SORCS2: variants seen among roughly 807,000 people sequenced by gnomAD.
The protein encoded by SORCS2 is sortilin related VPS10 domain containing receptor 2, also known as VPS10 domain-containing receptor SorCS2.
In SORCS2, 100 loss-of-function variants were observed where a neutral mutation model predicts 141.6. The ratio of observed to expected loss-of-function variants is 0.71; its 90% CI spans 0.60 to 0.83. The LOEUF is 0.83. Among genes scored for constraint, SORCS2 ranks in the 40% least tolerant of loss-of-function variants. The probability of loss-of-function intolerance (pLI) is 0.00; values close to 1 mark genes in which losing one functional copy is unlikely to be tolerated. For synonymous variants in SORCS2, 789 were observed against 676.9 expected (o/e 1.17, Z -2.57); for missense variants, 1,646 against 1,560.2 (o/e 1.05, Z -0.93).
intron 1 of SORCS2, among the ~76,000 whole-genome samples, chr4:7,272,008 G>C (rs1715171403): frequency 6.6e-6 from 1 of 152,238 alleles, no homozygotes; most frequent in South Asian, 2.1e-4. Context: ...CTGGCATATG[G>C]GAAGGGTGTG....
At chr4:7,244,964 G>T (rs1195912088) in intron 1 of SORCS2, among the ~76,000 whole-genome samples, 2 of 152,174 alleles carry the variant, frequency 1.3e-5, no homozygotes, top group Non-Finnish European at 2.9e-5. Flanking sequence ...CAGTTGGAAG[G>T]GGGGTGGCTG....
chr4:7,657,653 CTGAG>C (rs1415922151), intron 5 of SORCS2, among the ~76,000 whole-genome samples: 2 of 147,166 alleles, frequency 1.4e-5, no homozygotes, highest in East Asian at 4.1e-4. Flanking sequence ...GAATGAGTGA[CTGAG>C]TGAATGAGTA....
At chr4:7,397,245 G>T (rs913081391) in intron 2 of SORCS2, among the ~76,000 whole-genome samples, 2 of 152,104 alleles carry the variant, frequency 1.3e-5, no homozygotes, top group Admixed American at 6.5e-5. Flanking sequence ...CATTCTGTTG[G>T]TTCTTACGGA....
At chr4:7,308,284 C>A (rs760673617) in intron 1 of SORCS2, among the ~76,000 whole-genome samples, 2 of 152,164 alleles carry the variant, frequency 1.3e-5, no homozygotes, top group African/African-American at 2.4e-5. Context: ...AGCACCCCCA[C>A]CACCGCCTCC....
At chr4:7,431,647 T>A (rs1726869250) in intron 2 of SORCS2, 1 of 152,082 alleles carries the variant, frequency 6.6e-6, no homozygotes, top group South Asian at 2.1e-4. Flanking sequence ...AGAGCTGCCT[T>A]CCCATGGCCC....
chr4:7,368,103 G>C (rs1028188799), intron 1 of SORCS2, among the ~76,000 whole-genome samples: 2 of 152,182 alleles, frequency 1.3e-5, no homozygotes, highest in African/African-American at 4.8e-5. Context: ...CCCTGTTCAC[G>C]TGTGGTGGTG....
intron 1 of SORCS2, among the ~76,000 whole-genome samples, chr4:7,348,687 G>A (rs1007969082): frequency 2.6e-5 from 4 of 152,148 alleles, no homozygotes; most frequent in Non-Finnish European, 4.4e-5. Flanking sequence ...GAGTAGCTGG[G>A]TTTACAGGGG....
rs538296990 is a variant in SORCS2 at position 7,387,713 on chromosome 4, C to G, written c.481-8575C>G. ...AGAGATACACACGCACATGCACACA[C>G]ATGCACACACATACACATTTGCACA... On this transcript the variant is annotated intron_variant, in intron 1 of 26. Coordinates refer to ENST00000507866, the MANE Select transcript of SORCS2 (RefSeq NM_020777.3). Among the ~76,000 whole-genome samples the G allele has an allele frequency of 1.3e-3, 184 of 142,990 alleles. 1 individual carries two copies. The highest frequency in any genetic ancestry group is 4.6e-3 in the African/African-American group (175 of 38,034). The allele number at this position is 142,990 out of a possible 152,430, so 93.8% of individuals were successfully genotyped here. A position where few individuals can be genotyped will look rare whatever the true frequency, so the allele number is the denominator to read the frequency against.
intron 2 of SORCS2, among the ~76,000 whole-genome samples, chr4:7,483,475 GC>G (rs1730783019): frequency 6.6e-6 from 1 of 152,108 alleles, no homozygotes; most frequent in African/African-American, 2.4e-5. Context: ...CTGTCCTGGA[GC>G]CTTTGGGAGG....
intron 1 of SORCS2, among the ~76,000 whole-genome samples, chr4:7,356,188 C>T (rs1038907544): frequency 1.3e-5 from 2 of 152,238 alleles, no homozygotes; most frequent in Non-Finnish European, 2.9e-5. Context: ...CAGGACAGGT[C>T]CCCCTTCTTA....
chr4:7,539,452 A>G (rs2109575746), intron 3 of SORCS2, among the ~76,000 whole-genome samples: 1 of 152,290 alleles, frequency 6.6e-6, no homozygotes, highest in South Asian at 2.1e-4. Flanking sequence ...TTGCCAGAAC[A>G]CAGAAGTCCA....
intron 1 of SORCS2, among the ~76,000 whole-genome samples, chr4:7,236,430 A>G (rs10937795): frequency 0.65 from 98,545 of 151,632 alleles, 32,382 homozygotes; most frequent in East Asian, 0.78. Context: ...GAGTGAGGGG[A>G]GTCTGAGAGT....
At chr4:7,428,419 G>A (rs1726601923) in intron 2 of SORCS2, among the ~76,000 whole-genome samples, 1 of 152,204 alleles carries the variant, frequency 6.6e-6, no homozygotes, top group Non-Finnish European at 1.5e-5. Flanking sequence ...AGAGACCACT[G>A]AGACGAATTC....
intron 1 of SORCS2, among the ~76,000 whole-genome samples, chr4:7,376,150 C>T (rs998368156): frequency 6.6e-6 from 1 of 152,168 alleles, no homozygotes; most frequent in South Asian, 2.1e-4. Context: ...CTGAAGCCTG[C>T]CTGGGCAGGA....
intron 2 of SORCS2, among the ~76,000 whole-genome samples, chr4:7,527,696 C>A (rs562091864): frequency 1.0e-4 from 15 of 143,836 alleles, no homozygotes; most frequent in Non-Finnish European, 2.1e-4. Context: ...GGCCCCCCCA[C>A]CAGGTGAAGT....
rs1448406406 is a variant in SORCS2, at chr4:7,741,735, GAC to G, written c.*1473_*1474del. ...GGAGAACGCCAGAGCCCTGGCTGGT[GAC>G]ATGCTGGCTGGGGGTGAATCCGAAT... On this transcript the variant is annotated 3_prime_UTR_variant, in exon 27 of 27. Transcript: ENST00000507866. 31 of 156,560 alleles carry G rather than the reference GAC, an allele frequency of 2.0e-4. No homozygotes were observed. Among genetic ancestry groups the G allele is most frequent in the African/African-American group, 5.3e-4 (22 of 41,724 alleles). The allele number at this position is 156,560 out of a possible 1,614,324, so 9.7% of individuals were successfully genotyped here.
intron 11 of SORCS2, among the ~76,000 whole-genome samples, chr4:7,693,096 G>T (rs992093900): frequency 1.3e-5 from 2 of 152,222 alleles, no homozygotes; most frequent in African/African-American, 4.8e-5. Context: ...CCGACTGGGC[G>T]TGTTGCAGGA....
intron 1 of SORCS2, among the ~76,000 whole-genome samples, chr4:7,298,310 G>A (rs1449886991): frequency 2.0e-5 from 3 of 152,224 alleles, no homozygotes; most frequent in East Asian, 3.9e-4. Context: ...GAGTGAGGAA[G>A]GGTTGGGGTA....
chr4:7,656,095 G>A (rs1270829234), intron 5 of SORCS2, among the ~76,000 whole-genome samples: 1 of 152,224 alleles, frequency 6.6e-6, no homozygotes, highest in Non-Finnish European at 1.5e-5. Flanking sequence ...GAATAATGCT[G>A]TTTTGACAGC....
Sources: allele counts gnomAD v4.1 joint callset (sites outside exome capture counted in the v4.1 genomes callset), GRCh38; gene constraint gnomAD v4.1.1; transcripts MANE v1.5; gene names NCBI Gene and HGNC (gene_info 2026-07-23, HGNC 2026-07-21).